Variants in KIAA0753 observed in about 807,000 individuals in gnomAD.
KIAA0753 encodes the protein KIAA0753.
KIAA0753 carries 114 observed loss-of-function variants against 116.9 expected under a neutral mutation model. That is an observed-to-expected ratio of 0.98 (90% CI 0.84 to 1.14). The LOEUF is 1.14. KIAA0753 is among the 50% of genes most tolerant of loss of function. The probability of loss-of-function intolerance (pLI) is 0.00; values close to 1 mark genes in which losing one functional copy is unlikely to be tolerated. For synonymous variants in KIAA0753, 405 were observed against 413.1 expected (o/e 0.98, Z 0.24); for missense variants, 1,156 against 1,172.4 (o/e 0.99, Z 0.20).
chr17:6,590,055 C>T (rs553206865), intron 17 of KIAA0753, 52 bp from the exon 18 acceptor site: 15 of 1,346,276 alleles, frequency 1.1e-5, no homozygotes, highest in East Asian at 2.4e-5. Flanking sequence ...GTAAGCAAGA[C>T]TAAACTGTTA....
In KIAA0753 at chr17:6,628,643, G is replaced by A. The variant is rs1248599423; in HGVS notation, c.192C>T (p.His64=). The A allele has an allele frequency of 1.2e-6, 2 of 1,614,132 alleles. No individual in the cohort carries two copies. The highest frequency in any genetic ancestry group is 1.7e-5 in the Admixed American group (1 of 60,022). Residue 64 remains histidine (H), a synonymous_variant, in exon 3 of 19, where the codon CAC becomes CAT. Coordinates refer to ENST00000361413, the MANE Select transcript of KIAA0753 (RefSeq NM_014804.3). ...TACAATGGTATGATTCATTGTATGA[G>A]TGCTTCAGTTTTTCAATTCTAATGG... The part of the protein sequence containing the change: ...PHAIRIEKLK[H]SYNESYHCKD...
chr17:6,607,423 C>T (rs1970265256), intron 10 of KIAA0753, among the ~76,000 whole-genome samples, 153 bp from the exon 11 acceptor site: 1 of 152,156 alleles, frequency 6.6e-6, no homozygotes, highest in South Asian at 2.1e-4. Flanking sequence ...TCTCTCCGTA[C>T]CCCTAAAGCT....
At chr17:6,634,022 A>T (rs905939340) in intron 2 of KIAA0753, among the ~76,000 whole-genome samples, 15 of 152,002 alleles carry the variant, frequency 9.9e-5, no homozygotes, top group African/African-American at 3.6e-4. Flanking sequence ...TACACATTGC[A>T]ATGTGTACAT....
chr17:6,624,539 C>CACACAA (rs1971533798), intron 4 of KIAA0753, among the ~76,000 whole-genome samples: 2 of 133,686 alleles, frequency 1.5e-5, no homozygotes, highest in Admixed American at 1.5e-4. Flanking sequence ...TTTGGCGCCA[C>CACACAA]ACACACACAC....
chr17:6,610,519 T>TC (rs1469323894), intron 8 of KIAA0753, among the ~76,000 whole-genome samples: 2 of 143,108 alleles, frequency 1.4e-5, no homozygotes, highest in Admixed American at 7.0e-5. Context: ...TCTTTCTCTT[T>TC]TTTTTTTTTT....
intron 14 of KIAA0753, among the ~76,000 whole-genome samples, chr17:6,596,756 T>G (rs1969514556): frequency 6.6e-6 from 1 of 152,252 alleles, no homozygotes; most frequent in Non-Finnish European, 1.5e-5. Flanking sequence ...TCTGCTCATA[T>G]GACATCACAA....
At chr17:6,608,779 A>G (rs969684988) in intron 9 of KIAA0753, among the ~76,000 whole-genome samples, 2 of 152,198 alleles carry the variant, frequency 1.3e-5, no homozygotes, top group African/African-American at 4.8e-5. Flanking sequence ...CACTAATTAC[A>G]TTCCATATTA....
chr17:6,622,886 A>G lies in KIAA0753; in HGVS notation c.1100T>C (p.Ile367Thr), dbSNP rs750101982. Residue 367 changes from isoleucine (I) to threonine (T), a missense_variant, in exon 6 of 19, where the codon ATT (isoleucine) becomes ACT (threonine). Physicochemically the swap from Ile to Thr is moderately conservative, Grantham distance 89. Transcript: ENST00000361413. ...PDVVIDILQQIEALESLLEKK... is the reference protein window; with the variant it reads ...PDVVIDILQQTEALESLLEKK... ...AAATTGGAATTAATTCCATACCTCA[A>G]TTTGTTGCAGAATATCTATAACCAC... The G allele has an allele frequency of 3.7e-6, 6 of 1,610,690 alleles. No individual in the cohort carries two copies. The East Asian group carries it at 6.7e-5, about 18-fold the overall frequency.
intron 10 of KIAA0753, among the ~76,000 whole-genome samples, chr17:6,607,506 A>C (rs1198542309): frequency 6.6e-6 from 1 of 152,238 alleles, no homozygotes; most frequent in African/African-American, 2.4e-5. Context: ...CGTTCTCAAG[A>C]AAACCAGCTA....
chr17:6,626,172 T>C (rs1971653794), intron 3 of KIAA0753, among the ~76,000 whole-genome samples: 1 of 151,854 alleles, frequency 6.6e-6, no homozygotes, highest in Non-Finnish European at 1.5e-5. Context: ...TCTGGAAAAC[T>C]GTTTGAAGAA....
intron 7 of KIAA0753, among the ~76,000 whole-genome samples, chr17:6,615,483 C>T (rs2150855740): frequency 6.6e-6 from 1 of 152,046 alleles, no homozygotes; most frequent in Admixed American, 6.5e-5. Context: ...GGCATGTTGG[C>T]AGGTGCCTGT....
Position 6,590,537 on chromosome 17 carries a change from A to C in KIAA0753, c.2534T>G (p.Ile845Ser). 6.2e-7 allele frequency: 1 copy of C among 1,614,036 alleles called. No individual in the cohort carries two copies. Among genetic ancestry groups the C allele is most frequent in the Non-Finnish European group, 8.5e-7 (1 of 1,179,938 alleles). Reference protein sequence around the residue: ...TVDRKDPAVNIMLERPCNGNS... With the variant: ...TVDRKDPAVNSMLERPCNGNS... ...GCCATTACAGGGCCTTTCTAACATG[A>C]TGTTCACGGCTGGATCCTTGCGATC... The change falls in exon 17 of 19, where the codon ATC (isoleucine) becomes AGC (serine). Residue 845 changes from isoleucine to serine, a missense_variant. Ile to Ser is a moderately radical substitution (Grantham distance 142). Transcript: ENST00000361413.
chr17:6,606,271 G>A (rs1426436746), intron 12 of KIAA0753, among the ~76,000 whole-genome samples: 3 of 152,198 alleles, frequency 2.0e-5, no homozygotes, highest in Non-Finnish European at 1.5e-5. Flanking sequence ...ATCATGAATG[G>A]TGACAGAATG....
chr17:6,596,136 G>T, intron 15 of KIAA0753, 22 bp downstream of exon 15: 1 of 1,607,748 alleles, frequency 6.2e-7, no homozygotes, highest in Non-Finnish European at 8.5e-7. Context: ...CAGCGAACCA[G>T]ACCCGGAGCC....
intron 18 of KIAA0753, among the ~76,000 whole-genome samples, chr17:6,589,503 G>A (rs1315737457): frequency 6.6e-6 from 1 of 150,854 alleles, no homozygotes; most frequent in Non-Finnish European, 1.5e-5. Context: ...ACTAGAACCC[G>A]ATGGTATTCT....
chr17:6,580,859 G>T (rs953805752), intron 18 of KIAA0753, among the ~76,000 whole-genome samples: 1 of 151,322 alleles, frequency 6.6e-6, no homozygotes, highest in African/African-American at 2.4e-5. Flanking sequence ...TGTAGGAGAC[G>T]GGGGAGGACA....
intron 14 of KIAA0753, among the ~76,000 whole-genome samples, chr17:6,597,672 A>G (rs952856152): frequency 1.3e-5 from 2 of 152,252 alleles, no homozygotes; most frequent in African/African-American, 4.8e-5. Context: ...CAACAGTAGC[A>G]GCAATAGACA....
At chr17:6,603,974 G>T (rs1458479094) in intron 12 of KIAA0753, among the ~76,000 whole-genome samples, 1 of 152,068 alleles carries the variant, frequency 6.6e-6, no homozygotes, top group Non-Finnish European at 1.5e-5. Context: ...CTACAAAAAA[G>T]CAGAGTGACA....
At chr17:6,635,204 G>C in intron 1 of KIAA0753, 33 bp from the exon 2 acceptor site, 1 of 836,676 alleles carries the variant, frequency 1.2e-6, no homozygotes, top group Non-Finnish European at 2.0e-6. Context: ...CAGACCAACA[G>C]CGTTGAACAA....
Sources: allele counts gnomAD v4.1 joint callset (sites outside exome capture counted in the v4.1 genomes callset), GRCh38; gene constraint gnomAD v4.1.1; transcripts MANE v1.5; gene names NCBI Gene and HGNC (gene_info 2026-07-23, HGNC 2026-07-21).